YEATS2: variants seen among roughly 807,000 people sequenced by gnomAD.
YEATS2 encodes YEATS domain-containing protein 2.
Under a neutral mutation model 163.2 loss-of-function variants are expected in YEATS2, and 77 were observed. That is an observed-to-expected ratio of 0.47 (90% CI 0.39 to 0.57). The LOEUF (loss-of-function observed/expected upper bound fraction) is 0.57. Ranked by LOEUF, YEATS2 falls within the 20% of genes least tolerant of loss-of-function variation. YEATS2 has a pLI of 0.00. For missense variants in YEATS2, 1,549 were observed against 1,729.8 expected, an observed-to-expected ratio of 0.90 and a Z score of 1.85; for synonymous variants, 631 against 645.1, an observed-to-expected ratio of 0.98 and a Z score of 0.33.
In YEATS2 at chr3:183,811,178, CT is replaced by C; in HGVS notation, c.*601del. The C allele has an allele frequency of 6.5e-6, 1 of 153,292 alleles. No homozygotes were observed. The highest frequency in any genetic ancestry group is 2.4e-5 in the African/African-American group (1 of 41,582). The allele number at this position is 153,292 out of a possible 1,614,324, so 9.5% of individuals were successfully genotyped here. ...AGAGACGGCAGACTGAGCAGAATTC[CT>C]TTTTTGAGCACGAGAGCATTACTAG... On this transcript the variant is annotated 3_prime_UTR_variant, in exon 31 of 31. Transcript: ENST00000305135.
At chr3:183,711,907 T>C (rs1281282024) in intron 1 of YEATS2, among the ~76,000 whole-genome samples, 1 of 151,376 alleles carries the variant, frequency 6.6e-6, no homozygotes, top group Non-Finnish European at 1.5e-5. Flanking sequence ...GCAGCCTCCA[T>C]TTCCCGGGTT....
rs777735395 is a variant in YEATS2 at position 183,790,844 on chromosome 3, G to T, written c.2961G>T (p.Thr987=). ...PVSSSTVSSV[T]KTSGQQQVCV... is the part of the protein sequence containing the mutation. ...CTTCATCTACGGTCAGTTCTGTAACGAAAACTTCTGGGCAGCAGCAAGTGT... is the reference window on the plus strand; with the variant it reads ...CTTCATCTACGGTCAGTTCTGTAACTAAAACTTCTGGGCAGCAGCAAGTGT... Residue 987 remains threonine, a synonymous_variant, in exon 21 of 31, where the codon ACG becomes ACT. Coordinates refer to ENST00000305135, the MANE Select transcript of YEATS2 (RefSeq NM_018023.5). 4 of 1,614,128 alleles carry T rather than the reference G, an allele frequency of 2.5e-6. No homozygotes were observed. Among genetic ancestry groups the T allele is most frequent in the Non-Finnish European group, 3.4e-6 (4 of 1,180,024 alleles).
At chr3:183,802,744 A>G (rs1160670830) in intron 25 of YEATS2, 1 of 152,554 alleles carries the variant, frequency 6.6e-6, no homozygotes, top group Non-Finnish European at 1.5e-5. Context: ...TGCCTGGTCA[A>G]CATGGTGAAA....
chr3:183,745,454 C>T (rs974475332), intron 8 of YEATS2, among the ~76,000 whole-genome samples: 3 of 152,014 alleles, frequency 2.0e-5, no homozygotes, highest in African/African-American at 4.8e-5. Flanking sequence ...TGCCTTGGGC[C>T]GTCTTTCCTT....
intron 7 of YEATS2, among the ~76,000 whole-genome samples, chr3:183,729,791 G>T (rs556680668): frequency 1.3e-5 from 2 of 151,876 alleles, no homozygotes; most frequent in East Asian, 3.9e-4. Flanking sequence ...AGGTTCAAGC[G>T]ATTCTTCTGC....
intron 29 of YEATS2, chr3:183,808,840 A>T: frequency 2.7e-6 from 1 of 365,462 alleles, no homozygotes. Flanking sequence ...TGGGCGCGAG[A>T]GTGAGACTCC....
At chr3:183,744,973 C>G (rs182737612) in intron 8 of YEATS2, among the ~76,000 whole-genome samples, 1 of 152,080 alleles carries the variant, frequency 6.6e-6, no homozygotes, top group Non-Finnish European at 1.5e-5. Context: ...GCCTCAGCCT[C>G]CCAAATAGCT....
At chr3:183,771,602 G>A (rs1298808249) in intron 15 of YEATS2, among the ~76,000 whole-genome samples, 4 of 146,214 alleles carry the variant, frequency 2.7e-5, no homozygotes, top group Admixed American at 1.4e-4. Context: ...CCAGGCTGGA[G>A]GGCAGTGGTG....
chr3:183,759,085 G>A (rs1721075439), intron 13 of YEATS2, 120 bp downstream of exon 13: 3 of 656,396 alleles, frequency 4.6e-6, no homozygotes, highest in Admixed American at 8.0e-5. Flanking sequence ...CGAACTCCTG[G>A]CCTCAAGAGA....
In YEATS2 at chr3:183,775,955, C is replaced by CGGAGGAGGAGGAGGA. The variant is rs146705467; in HGVS notation, c.2424_2438dup (p.Gly810_Gly814dup). 33 of 1,581,958 alleles carry CGGAGGAGGAGGAGGA rather than the reference C, an allele frequency of 2.1e-5. No homozygotes were observed. The South Asian group carries it at 3.1e-4, about 15-fold the overall frequency. On this transcript the variant is annotated inframe_insertion, in exon 18 of 31. Transcript: ENST00000305135. ...CAGCTGCCAGTGGTGGGAGTGGTGC[C>CGGAGGAGGAGGAGGA]GGAGGAGGAGGAGGAGGAGGAGGAG... is the stretch of plus-strand genomic sequence containing the variant.
At chr3:183,775,600 A>C (rs1303175240) in intron 17 of YEATS2, among the ~76,000 whole-genome samples, 1 of 152,212 alleles carries the variant, frequency 6.6e-6, no homozygotes, top group Non-Finnish European at 1.5e-5. Context: ...TCTCAAAAAA[A>C]TACTTGGCTA....
At position 183,798,960 on chromosome 3, in the gene YEATS2, C is replaced by T. The variant is rs755193768; in HGVS notation, c.3296C>T (p.Pro1099Leu). 1.9e-6 allele frequency: 3 copies of T among 1,614,158 alleles called. No homozygotes were observed. The highest frequency in any genetic ancestry group is 1.1e-5 in the South Asian group (1 of 91,082). ...GTAGCTGCCCCAACTCCAGTTGTCC[C>T]CAGCTCTGCTCCAGCAGCTGTTGCA... Reference protein sequence around the residue: ...LPVAAPTPVVPSSAPAAVAKV... With the variant: ...LPVAAPTPVVLSSAPAAVAKV... Residue 1099 changes from proline to leucine, a missense_variant, in exon 23 of 31, where the codon CCC becomes CTC. Coordinates refer to ENST00000305135, the MANE Select transcript of YEATS2 (RefSeq NM_018023.5).
Position 183,721,649 on chromosome 3 carries a change from G to A in YEATS2, c.292-242G>A, listed in dbSNP as rs149578037. 7.2e-5 allele frequency among the ~76,000 whole-genome samples: 11 copies of A among 152,144 alleles called. No homozygotes were observed. In the East Asian group the frequency reaches 7.7e-4, roughly 11 times the overall value. ...CATATATTATTTCTCATTTACCTCC[G>A]GAAGACCCTACATCTCTAGCTGTTA... On this transcript the variant is annotated intron_variant, in intron 4 of 30. Transcript: ENST00000305135.
intron 10 of YEATS2, among the ~76,000 whole-genome samples, chr3:183,752,735 A>T (rs934728374): frequency 6.6e-6 from 1 of 151,346 alleles, no homozygotes; most frequent in Non-Finnish European, 1.5e-5. Flanking sequence ...ATTTCCATGA[A>T]GTTTTACTGA....
chr3:183,766,422 T>G (rs1721913154), intron 15 of YEATS2, among the ~76,000 whole-genome samples: 1 of 152,204 alleles, frequency 6.6e-6, no homozygotes, highest in Non-Finnish European at 1.5e-5. Context: ...AGGGAAAATC[T>G]CAGATACAGA....
At chr3:183,714,201 T>C (rs1005705031) in intron 1 of YEATS2, among the ~76,000 whole-genome samples, 4 of 151,198 alleles carry the variant, frequency 2.6e-5, no homozygotes, top group African/African-American at 9.7e-5. Flanking sequence ...TATGGGATTT[T>C]TTTTTTTTTT....
At chr3:183,793,359 T>C in intron 21 of YEATS2, 1 of 1,094,112 alleles carries the variant, frequency 9.1e-7, no homozygotes, top group Non-Finnish European at 1.1e-6. Context: ...TCTTGATTTC[T>C]ACCTCCCTGT....
At chr3:183,711,842 T>C (rs2109005927) in intron 1 of YEATS2, among the ~76,000 whole-genome samples, 1 of 151,680 alleles carries the variant, frequency 6.6e-6, no homozygotes, top group Admixed American at 6.6e-5. Context: ...TTTTTTGAGA[T>C]GGAGTCTTGC....
Position 183,728,734 on chromosome 3 carries a change from A to G in YEATS2, c.695A>G (p.His232Arg). The G allele has an allele frequency of 6.2e-7, 1 of 1,613,850 alleles. No homozygotes were observed. The change falls in exon 7 of 31, where the codon CAT (histidine) becomes CGT (arginine). Residue 232 changes from histidine (H) to arginine (R), a missense_variant. Transcript: ENST00000305135. ...AGGGAAGAAAATGACCAGTCAACTC[A>G]TAAGTGGATGGTATATGTCCGAGGG... ...DKREENDQST[H>R]KWMVYVRGSR...
Sources: allele counts gnomAD v4.1 joint callset (sites outside exome capture counted in the v4.1 genomes callset), GRCh38; gene constraint gnomAD v4.1.1; transcripts MANE v1.5; gene names NCBI Gene and HGNC (gene_info 2026-07-23, HGNC 2026-07-21).